The following TBATA variants were observed in gnomAD, a reference collection of about 807,000 sequenced individuals.
TBATA encodes the protein protein TBATA.
A neutral mutation model predicts 38.7 loss-of-function variants in TBATA; 47 were observed. The observed-to-expected ratio is 1.21, with a 90% CI of 0.96 to 1.55. The LOEUF (loss-of-function observed/expected upper bound fraction) is 1.55. TBATA is among the 40% of genes most tolerant of loss of function. The pLI, the probability that TBATA is intolerant of heterozygous loss-of-function variation, is 0.00. For missense variants in TBATA, 436 were observed against 435.6 expected, an observed-to-expected ratio of 1.00 and a Z score of -0.01; for synonymous variants, 183 against 170.5, an observed-to-expected ratio of 1.07 and a Z score of -0.57.
At chr10:70,779,783 G>A (rs1484098818) in intron 4 of TBATA, 41 bp from the exon 5 acceptor site, 1 of 1,503,988 alleles carries the variant, frequency 6.6e-7, no homozygotes, top group Non-Finnish European at 8.8e-7. Flanking sequence ...GGCTTAGGTG[G>A]ACCTTAAGAG....
intron 7 of TBATA, 73 bp from the exon 8 acceptor site, chr10:70,775,343 G>T: frequency 3.7e-6 from 5 of 1,336,038 alleles, no homozygotes; most frequent in Non-Finnish European, 5.4e-6. Context: ...GGTTTGGAGG[G>T]CACCAAGGAG....
At chr10:70,774,468 C>G (rs188288543) in intron 8 of TBATA, 111 bp from the exon 9 acceptor site, 1 of 1,063,338 alleles carries the variant, frequency 9.4e-7, no homozygotes, top group Non-Finnish European at 1.3e-6. Context: ...AAGCATCCCA[C>G]CTTCTGCCCT....
At position 70,778,555 on chromosome 10, in the gene TBATA, A is replaced by T. The variant is rs1331471807; in HGVS notation, c.507+2T>A. On this transcript the variant is annotated splice_donor_variant, in intron 6 of 10. Transcript: ENST00000456372. LOFTEE classifies it high-confidence loss of function. ...AGACTAGCTCCTGTGTTCCGCACCCACCTCTTTCTTCTTCAGTTCATCCTC... is the reference window on the plus strand; with the variant it reads ...AGACTAGCTCCTGTGTTCCGCACCCTCCTCTTTCTTCTTCAGTTCATCCTC... 1.2e-6 allele frequency: 2 copies of T among 1,613,728 alleles called. No homozygotes were observed. Among genetic ancestry groups the T allele is most frequent in the East Asian group, 4.5e-5 (2 of 44,876 alleles).
chr10:70,781,051 T>C (rs1430859390), intron 4 of TBATA, among the ~76,000 whole-genome samples: 2 of 152,156 alleles, frequency 1.3e-5, no homozygotes, highest in Non-Finnish European at 2.9e-5. Context: ...GCCTACCTGA[T>C]CTGGGCCCAC....
At chr10:70,784,083 A>C (rs2131792563) in intron 2 of TBATA, among the ~76,000 whole-genome samples, 1 of 152,260 alleles carries the variant, frequency 6.6e-6, no homozygotes, top group African/African-American at 2.4e-5. Flanking sequence ...GAGGACCACA[A>C]GTTCCAGAGG....
chr10:70,779,745 G>A lies in TBATA; in HGVS notation c.278-3C>T, dbSNP rs1451203044. On this transcript the variant is annotated splice_polypyrimidine_tract_variant and splice_region_variant and intron_variant, in intron 4 of 10. Coordinates refer to ENST00000456372, the MANE Select transcript of TBATA (RefSeq NM_001318241.2). ...ACAGACAGGCTTCCCGGTGAGATCT[G>A]CAAAGGGTTAGAGGCTGTGGGAAGG... 2 of 1,536,084 alleles carry A rather than the reference G, an allele frequency of 1.3e-6. No homozygotes were observed. The highest frequency in any genetic ancestry group is 1.7e-6 in the Non-Finnish European group (2 of 1,150,712).
intron 7 of TBATA, chr10:70,776,357 A>G (rs999766928): frequency 4.4e-6 from 2 of 456,148 alleles, no homozygotes; most frequent in African/African-American, 4.0e-5. Flanking sequence ...AGGACCTGAG[A>G]ACCTAATTCC....
chr10:70,779,653 G>A lies in TBATA; in HGVS notation c.367C>T (p.Pro123Ser). 6.5e-7 allele frequency: 1 copy of A among 1,533,242 alleles called. No individual in the cohort carries two copies. Among genetic ancestry groups the A allele is most frequent in the Non-Finnish European group, 8.7e-7 (1 of 1,149,974 alleles). The allele number at this position is 1,533,242 out of a possible 1,614,324, so 95.0% of individuals were successfully genotyped here. ...TVFSGCQMGIPTISVPIGDPQ... is the reference protein window; with the variant it reads ...TVFSGCQMGISTISVPIGDPQ... ...TCTCCAATGGGGACAGAGATGGTGG[G>A]TATCCCCATTTGACAGCCGGAAAAG... The change falls in exon 5 of 11, where the codon CCC becomes TCC. Residue 123 changes from proline to serine, a missense_variant. Pro to Ser is a moderately conservative substitution (Grantham distance 74). Coordinates refer to ENST00000456372, the MANE Select transcript of TBATA (RefSeq NM_001318241.2).
At chr10:70,772,121 A>T in intron 10 of TBATA, 2 of 433,230 alleles carry the variant, frequency 4.6e-6, no homozygotes, top group Non-Finnish European at 9.4e-6. Context: ...GTAGAGCTGT[A>T]TCTTTCCTGC....
At chr10:70,781,700 GC>G (rs1564595792) in intron 4 of TBATA, 100 bp downstream of exon 4, 4 of 1,168,718 alleles carry the variant, frequency 3.4e-6, no homozygotes, top group Non-Finnish European at 4.9e-6. Context: ...TCCTCTCTGG[GC>G]CCCAGCCTGG....
At chr10:70,772,178 A>G (rs1490422849) in intron 10 of TBATA, 10 of 523,162 alleles carry the variant, frequency 1.9e-5, no homozygotes, top group South Asian at 1.2e-4. Context: ...CCTTCTCACT[A>G]CTGACCACAG....
chr10:70,779,626 G>T lies in TBATA; in HGVS notation c.394C>A (p.Pro132Thr). 6.6e-7 allele frequency: 1 copy of T among 1,524,522 alleles called. No individual in the cohort carries two copies. Among genetic ancestry groups the T allele is most frequent in the South Asian group, 1.3e-5 (1 of 77,838 alleles). 94.4% of individuals were successfully genotyped at this position (1,524,522 alleles called of 1,614,324 possible). A position where few individuals can be genotyped will look rare whatever the true frequency, so the allele number is the denominator to read the frequency against. ...IPTISVPIGD[P>T]QSNRNPQLSS... ...AGCTGGGGGTTCCGATTAGACTGTG[G>T]GTCTCCAATGGGGACAGAGATGGTG... is the stretch of plus-strand genomic sequence containing the variant. Residue 132 changes from proline (P) to threonine (T), a missense_variant, in exon 5 of 11, where the codon CCA becomes ACA. Pro to Thr is a conservative substitution (Grantham distance 38). Coordinates refer to ENST00000456372, the MANE Select transcript of TBATA (RefSeq NM_001318241.2).
At chr10:70,777,892 C>A in intron 6 of TBATA, 1 of 421,420 alleles carries the variant, frequency 2.4e-6, no homozygotes, top group South Asian at 1.7e-5. Context: ...AAACAGAGAC[C>A]CAGACAGCTT....
chr10:70,782,524 C>T (rs572592676), intron 3 of TBATA: 29 of 1,270,662 alleles, frequency 2.3e-5, no homozygotes, highest in Admixed American at 9.4e-5. Context: ...TCAGACTCAG[C>T]GTCCAGAGGC....
chr10:70,780,948 C>A (rs1844129626), intron 4 of TBATA, among the ~76,000 whole-genome samples: 1 of 152,240 alleles, frequency 6.6e-6, no homozygotes, highest in Non-Finnish European at 1.5e-5. Context: ...CCAGGATGAC[C>A]TTGTTAAAAC....
At chr10:70,782,550 G>C (rs1844378106) in intron 3 of TBATA, 2 of 985,436 alleles carry the variant, frequency 2.0e-6, no homozygotes, top group Middle Eastern at 5.2e-4. Context: ...CTGGAGCTTA[G>C]GCCAGACCAG....
chr10:70,775,082 C>T (rs1843214804), intron 8 of TBATA, 107 bp downstream of exon 8: 2 of 1,057,296 alleles, frequency 1.9e-6, no homozygotes, highest in Non-Finnish European at 2.8e-6. Context: ...ATGGAAGGCC[C>T]CCTCCAGGGT....
chr10:70,777,248 C>T lies in TBATA; in HGVS notation c.598G>A (p.Val200Ile), dbSNP rs1194214865. Residue 200 changes from valine (V) to isoleucine (I), a missense_variant, in exon 7 of 11, where the codon GTC becomes ATC. Coordinates refer to ENST00000456372, the MANE Select transcript of TBATA (RefSeq NM_001318241.2). ...CCCTGGTGAGATCTGCGGCGGCCGA[C>T]AGCCCGGGTGGAAGCGGGGATGAGC... ...GRLIPASTRAVGRRRSHQGQQ... is the reference protein window; with the variant it reads ...GRLIPASTRAIGRRRSHQGQQ... 3 of 1,613,524 alleles carry T rather than the reference C, an allele frequency of 1.9e-6. No individual in the cohort carries two copies. Among genetic ancestry groups the T allele is most frequent in the Admixed American group, 1.7e-5 (1 of 59,996 alleles).
In TBATA at chr10:70,775,257, A is replaced by G. The variant is rs772948422; in HGVS notation, c.707T>C (p.Leu236Pro). 7 of 1,613,950 alleles carry G rather than the reference A, an allele frequency of 4.3e-6. No individual in the cohort carries two copies. The South Asian group carries it at 6.6e-5, about 15-fold the overall frequency. Residue 236 changes from leucine (L) to proline (P), a missense_variant, in exon 8 of 11, where the codon CTG becomes CCG. Physicochemically the swap from Leu to Pro is moderately conservative, Grantham distance 98. Transcript: ENST00000456372. ...CAAGTCTGTTTCCAGGATCCGACAC[A>G]GGAGCTCCAGGACCTGTGGGCAGGA... The part of the protein sequence containing the change: ...QDQELLVLEL[L>P]CRILETDLLS...
Sources: gnomAD v4.1 joint callset for allele counts (sites outside exome capture counted in the v4.1 genomes callset) on GRCh38, gnomAD v4.1.1 for gene constraint, MANE v1.5 for transcripts, NCBI Gene and HGNC (gene_info 2026-07-23, HGNC 2026-07-21) for gene names.